The following PRKCA variants were observed in gnomAD, a reference collection of about 807,000 sequenced individuals.
The protein encoded by PRKCA is protein kinase C alpha.
A neutral mutation model predicts 87.0 loss-of-function variants in PRKCA; 27 were observed. That is an observed-to-expected ratio of 0.31 (90% CI 0.23 to 0.43). The LOEUF (loss-of-function observed/expected upper bound fraction) is 0.43, where lower values mean the gene tolerates loss of function less well. PRKCA is among the 20% of genes least tolerant of loss of function. The pLI is 1.00. For missense variants in PRKCA, 518 were observed against 852.3 expected, an observed-to-expected ratio of 0.61 and a Z score of 4.88; for synonymous variants, 329 against 311.1, an observed-to-expected ratio of 1.06 and a Z score of -0.61.
In PRKCA at chr17:66,645,743, CAA is replaced by C. The variant is rs1275862166; in HGVS notation, c.529+234_529+235del. On this transcript the variant is annotated intron_variant, in intron 5 of 16. Coordinates refer to ENST00000413366, the MANE Select transcript of PRKCA (RefSeq NM_002737.3). ...AAATTCCCAAATACTCAATGTCACACAAAGTCACAAGCACTGTGTGGATTGGG... is the reference window on the plus strand; with the variant it reads ...AAATTCCCAAATACTCAATGTCACACAGTCACAAGCACTGTGTGGATTGGG... Among the ~76,000 whole-genome samples the C allele has an allele frequency of 3.3e-5, 5 of 152,188 alleles. 1 individual carries two copies. The highest frequency in any genetic ancestry group is 3.3e-4 in the Admixed American group (5 of 15,282).
At chr17:66,306,460 C>T (rs1189026711) in intron 2 of PRKCA, 2 of 244,362 alleles carry the variant, frequency 8.2e-6, no homozygotes, top group African/African-American at 4.6e-5. Context: ...CTTCCTTGTT[C>T]TTCCTCTTTG....
At chr17:66,497,295 C>T (rs1238613656) in intron 3 of PRKCA, among the ~76,000 whole-genome samples, 1 of 152,036 alleles carries the variant, frequency 6.6e-6, no homozygotes, top group African/African-American at 2.4e-5. Flanking sequence ...GTCGAGAGTT[C>T]AAGACCAGCC....
chr17:66,534,591 C>T lies in PRKCA; in HGVS notation c.288+38308C>T, dbSNP rs564575791. On this transcript the variant is annotated intron_variant, in intron 3 of 16. Coordinates refer to ENST00000413366, the MANE Select transcript of PRKCA (RefSeq NM_002737.3). ...CTGAGGCAGGAGAATGGCGTGAACCCGGGAGGCGGAGCTTGCAGTGAGCCG... is the reference window on the plus strand; with the variant it reads ...CTGAGGCAGGAGAATGGCGTGAACCTGGGAGGCGGAGCTTGCAGTGAGCCG... Among the ~76,000 whole-genome samples the T allele has an allele frequency of 8.6e-4, 131 of 152,114 alleles. 1 individual carries two copies. The Middle Eastern group carries it at 0.02, about 24-fold the overall frequency.
intron 3 of PRKCA, among the ~76,000 whole-genome samples, chr17:66,587,893 GTGTATATATATATATATATATA>G (rs1969668503): frequency 3.9e-5 from 2 of 51,636 alleles, no homozygotes; most frequent in Admixed American, 4.3e-4. Flanking sequence ...GTGTGTGTGT[GTGTATATATATATATATATATA>G]TATATATATA....
intron 8 of PRKCA, among the ~76,000 whole-genome samples, chr17:66,698,838 A>AGGTGTAGT: frequency 6.8e-6 from 1 of 146,574 alleles, no homozygotes; most frequent in African/African-American, 2.5e-5. Flanking sequence ...AAAAAAAAAT[A>AGGTGTAGT]GGTGTAGTGG....
At chr17:66,775,613 G>A (rs1004992057) in intron 14 of PRKCA, 2 of 985,274 alleles carry the variant, frequency 2.0e-6, no homozygotes, top group East Asian at 1.1e-4. Context: ...ACTCTCCATA[G>A]CCAGAAGCCT....
chr17:66,556,889 A>G (rs1414544130), intron 3 of PRKCA, among the ~76,000 whole-genome samples: 1 of 152,206 alleles, frequency 6.6e-6, no homozygotes, highest in Non-Finnish European at 1.5e-5. Context: ...TTATAACAGC[A>G]TGAGAATGGA....
At chr17:66,580,324 G>T (rs1292890705) in intron 3 of PRKCA, among the ~76,000 whole-genome samples, 1 of 152,190 alleles carries the variant, frequency 6.6e-6, no homozygotes, top group African/African-American at 2.4e-5. Flanking sequence ...AGGCCAATCT[G>T]TGCACGACCT....
intron 13 of PRKCA, among the ~76,000 whole-genome samples, chr17:66,748,435 T>G (rs116930945): frequency 0.024 from 3,654 of 152,204 alleles, 48 homozygotes; most frequent in Non-Finnish European, 0.03. Context: ...GGGGAGCATA[T>G]TAAAGATGGG....
intron 3 of PRKCA, among the ~76,000 whole-genome samples, chr17:66,584,662 T>C (rs1969539514): frequency 6.6e-6 from 1 of 152,184 alleles, no homozygotes; most frequent in Admixed American, 6.5e-5. Flanking sequence ...TTCCCACTCC[T>C]GGTGGCTTCT....
intron 2 of PRKCA, among the ~76,000 whole-genome samples, chr17:66,424,821 C>T (rs1333686511): frequency 6.7e-6 from 1 of 149,672 alleles, no homozygotes; most frequent in African/African-American, 2.5e-5. Flanking sequence ...ATGATCTGGG[C>T]TCATTGCAGC....
intron 2 of PRKCA, among the ~76,000 whole-genome samples, chr17:66,406,731 G>A (rs1402745998): frequency 1.3e-5 from 2 of 151,932 alleles, no homozygotes; most frequent in Non-Finnish European, 2.9e-5. Context: ...GGTGGTTGGA[G>A]CCTGATACCA....
At chr17:66,518,870 T>C (rs549146976) in intron 3 of PRKCA, among the ~76,000 whole-genome samples, 5 of 152,212 alleles carry the variant, frequency 3.3e-5, no homozygotes, top group Non-Finnish European at 7.3e-5. Flanking sequence ...GGAGTTGCTT[T>C]GTTAATACCG....
chr17:66,457,371 C>T (rs1598688871), intron 2 of PRKCA, among the ~76,000 whole-genome samples: 1 of 152,012 alleles, frequency 6.6e-6, no homozygotes, highest in African/African-American at 2.4e-5. Context: ...CTAGATGGCT[C>T]AGTTCTTCTA....
intron 13 of PRKCA, among the ~76,000 whole-genome samples, chr17:66,755,324 C>A (rs763777575): frequency 9.2e-5 from 14 of 152,280 alleles, no homozygotes; most frequent in Admixed American, 3.3e-4. Flanking sequence ...ATCAAAAGCC[C>A]AGCACTTTAT....
intron 2 of PRKCA, among the ~76,000 whole-genome samples, chr17:66,348,542 T>A (rs1237711505): frequency 6.6e-6 from 1 of 152,220 alleles, no homozygotes; most frequent in Non-Finnish European, 1.5e-5. Context: ...CACTTTGATT[T>A]AAGAGGTTAG....
rs74199615 is a variant in PRKCA, at chr17:66,804,780, G to T, written c.*743G>T. ...CGTCTAAGGACGTTGCTGAACAAGCGTGTGAAATCATTTCAGATCAAGGAT... is the reference window on the plus strand; with the variant it reads ...CGTCTAAGGACGTTGCTGAACAAGCTTGTGAAATCATTTCAGATCAAGGAT... On this transcript the variant is annotated 3_prime_UTR_variant, in exon 17 of 17. Coordinates refer to ENST00000413366, the MANE Select transcript of PRKCA (RefSeq NM_002737.3). 6.4e-6 allele frequency: 1 copy of T among 157,272 alleles called. No homozygotes were observed. The highest frequency in any genetic ancestry group is 2.4e-5 in the African/African-American group (1 of 41,320). The allele number at this position is 157,272 out of a possible 1,614,324, so 9.7% of individuals were successfully genotyped here. A position where few individuals can be genotyped will look rare whatever the true frequency, so the allele number is the denominator to read the frequency against.
chr17:66,419,259 T>A (rs1912354200), intron 2 of PRKCA, among the ~76,000 whole-genome samples: 1 of 152,180 alleles, frequency 6.6e-6, no homozygotes, highest in African/African-American at 2.4e-5. Flanking sequence ...GTAGAGACAT[T>A]TTTTAGGTTT....
chr17:66,797,052 A>G (rs1346783091), intron 16 of PRKCA: 1 of 899,956 alleles, frequency 1.1e-6, no homozygotes, highest in Non-Finnish European at 1.3e-6. Flanking sequence ...CCCATAGCTG[A>G]GACCATGGGG....
Sources: allele counts gnomAD v4.1 joint callset (sites outside exome capture counted in the v4.1 genomes callset), GRCh38; gene constraint gnomAD v4.1.1; transcripts MANE v1.5; gene names NCBI Gene and HGNC (gene_info 2026-07-23, HGNC 2026-07-21).